Variants in DMD observed in about 807,000 individuals in gnomAD.
DMD encodes the protein dystrophin.
A neutral mutation model predicts 330.1 loss-of-function variants in DMD; 63 were observed. That is an observed-to-expected ratio of 0.19 (90% CI 0.16 to 0.24). The LOEUF (loss-of-function observed/expected upper bound fraction) is 0.24, where lower values mean the gene tolerates loss of function less well. DMD is among the 10% of genes least tolerant of loss of function. The pLI is 1.00. For synonymous variants in DMD, 1,223 were observed against 959.8 expected, an observed-to-expected ratio of 1.27 and a Z score of -5.07; for missense variants, 3,344 against 2,684.1, an observed-to-expected ratio of 1.25 and a Z score of -5.43.
intron 62 of DMD, among the ~76,000 whole-genome samples, chrX:31,305,062 T>C (rs1467022180): frequency 8.9e-6 from 1 of 112,094 alleles, no homozygotes; most frequent in Non-Finnish European, 1.9e-5. Context: ...CAGGTATTAT[T>C]GGAGCACAGA....
chrX:32,898,196 G>A (rs886662166), intron 2 of DMD, among the ~76,000 whole-genome samples: 1 of 111,873 alleles, frequency 8.9e-6, no homozygotes, highest in African/African-American at 3.2e-5. Flanking sequence ...CTGGCGTTTT[G>A]GAAGTCAAAC....
At chrX:32,359,774 G>A (rs1364070705) in intron 37 of DMD, among the ~76,000 whole-genome samples, 4 of 110,365 alleles carry the variant, frequency 3.6e-5, no homozygotes, top group Non-Finnish European at 1.9e-5. Flanking sequence ...TATACTTCCT[G>A]AATTCAATCA....
chrX:32,455,394 C>T (rs2098353000), intron 25 of DMD, among the ~76,000 whole-genome samples: 1 of 110,636 alleles, frequency 9.0e-6, no homozygotes. Flanking sequence ...GATTGCAAAT[C>T]GAAGTGAATT....
At chrX:32,925,975 T>C (rs1174615506) in intron 2 of DMD, among the ~76,000 whole-genome samples, 1 of 112,133 alleles carries the variant, frequency 8.9e-6, no homozygotes, top group Admixed American at 9.5e-5. Flanking sequence ...GAAATCATTA[T>C]ATTGAAAAGA....
At chrX:32,194,382 A>G (rs1475976333) in intron 44 of DMD, among the ~76,000 whole-genome samples, 1 of 111,820 alleles carries the variant, frequency 8.9e-6, no homozygotes, top group Non-Finnish European at 1.9e-5. Flanking sequence ...AGAGGTAACC[A>G]CTTTCTTAAT....
chrX:33,004,597 G>A (rs1266555955), intron 2 of DMD, among the ~76,000 whole-genome samples: 1 of 110,497 alleles, frequency 9.1e-6, no homozygotes, highest in Non-Finnish European at 1.9e-5. Flanking sequence ...TATTTTTAGT[G>A]TTTTTCTGGT....
chrX:32,125,660 G>T (rs1231219805), intron 44 of DMD, among the ~76,000 whole-genome samples: 2 of 112,093 alleles, frequency 1.8e-5, no homozygotes, highest in Non-Finnish European at 3.8e-5. Flanking sequence ...GTGAAGAAAT[G>T]AAAGGAGATA....
At chrX:32,661,657 T>G (rs1485194371) in intron 9 of DMD, among the ~76,000 whole-genome samples, 2 of 111,732 alleles carry the variant, frequency 1.8e-5, no homozygotes, top group Admixed American at 1.9e-4. Flanking sequence ...CACAGAATTG[T>G]GGATAGATTT....
intron 52 of DMD, among the ~76,000 whole-genome samples, chrX:31,719,638 G>A (rs1350338827): frequency 1.8e-5 from 2 of 111,824 alleles, no homozygotes; most frequent in Non-Finnish European, 3.8e-5. Flanking sequence ...CAAGTAGTCT[G>A]CAACTTTTAG....
intron 20 of DMD, among the ~76,000 whole-genome samples, chrX:32,489,413 G>T (rs2042782838): frequency 2.7e-5 from 3 of 110,590 alleles, no homozygotes; most frequent in Non-Finnish European, 3.8e-5. Flanking sequence ...AAGAGAGAGA[G>T]AAAGAAAAAT....
intron 36 of DMD, among the ~76,000 whole-genome samples, 169 bp from the exon 37 acceptor site, chrX:32,363,127 A>G (rs2097843108): frequency 9.0e-6 from 1 of 111,529 alleles, no homozygotes; most frequent in Admixed American, 9.6e-5. Context: ...ACAAAGGGAG[A>G]TAAAACCACA....
chrX:32,640,191 CTCA>C (rs1275961256), intron 11 of DMD, among the ~76,000 whole-genome samples: 2 of 108,565 alleles, frequency 1.8e-5, no homozygotes, highest in Non-Finnish European at 3.8e-5. Flanking sequence ...TAACTGACAG[CTCA>C]TCATCTTATT....
chrX:31,127,166 A>T (rs915088783), intron 77 of DMD, among the ~76,000 whole-genome samples: 2 of 112,314 alleles, frequency 1.8e-5, no homozygotes, highest in African/African-American at 6.5e-5. Flanking sequence ...TCTTGGGAGA[A>T]TTTGTTCTAT....
chrX:31,269,959 G>A (rs1008169249), intron 62 of DMD, among the ~76,000 whole-genome samples: 1 of 111,581 alleles, frequency 9.0e-6, no homozygotes, highest in African/African-American at 3.3e-5. Context: ...CCAATTGGGA[G>A]GCAGTGATGA....
chrX:32,182,573 T>C (rs989463235), intron 44 of DMD, among the ~76,000 whole-genome samples: 2 of 111,534 alleles, frequency 1.8e-5, no homozygotes. Flanking sequence ...AGTACATACA[T>C]GGCATCAATT....
At chrX:32,236,297 G>C (rs1243499857) in intron 43 of DMD, among the ~76,000 whole-genome samples, 1 of 112,102 alleles carries the variant, frequency 8.9e-6, no homozygotes, top group African/African-American at 3.2e-5. Flanking sequence ...AATGCTGTTT[G>C]GTAGGACATG....
At position 32,503,689 on chromosome X, in the gene DMD, G is replaced by A. The variant is rs376407393; in HGVS notation, c.2293-1847C>T. On this transcript the variant is annotated intron_variant, in intron 18 of 78. Coordinates refer to ENST00000357033, the MANE Select transcript of DMD (RefSeq NM_004006.3). ...TCCTGCTTCAGCCTCCCGAGTAGCC[G>A]GGATTACAGGCGTGCACCACCACGC... Among the ~76,000 whole-genome samples the A allele has an allele frequency of 3.6e-5, 4 of 110,212 alleles. No individual in the cohort carries two copies. In the East Asian group the frequency reaches 8.6e-4, roughly 24 times the overall value.
chrX:31,180,061 A>G (rs1418785341), intron 69 of DMD, among the ~76,000 whole-genome samples: 1 of 111,655 alleles, frequency 9.0e-6, no homozygotes, highest in Non-Finnish European at 1.9e-5. Context: ...AGATCGCCCC[A>G]CACAACCTCT....
intron 43 of DMD, among the ~76,000 whole-genome samples, chrX:32,281,933 A>G (rs1024375874): frequency 4.5e-5 from 5 of 111,861 alleles, no homozygotes; most frequent in Admixed American, 1.9e-4. Flanking sequence ...AACTACTTAT[A>G]TGGGTGGGTA....
Sources: gnomAD v4.1 joint callset for allele counts (sites outside exome capture counted in the v4.1 genomes callset) on GRCh38, gnomAD v4.1.1 for gene constraint, MANE v1.5 for transcripts, NCBI Gene and HGNC (gene_info 2026-07-23, HGNC 2026-07-21) for gene names.